The following ERICH6 variants were observed in gnomAD, a reference collection of about 807,000 sequenced individuals.
ERICH6 encodes the protein glutamate-rich protein 6.
ERICH6 carries 71 observed loss-of-function variants against 71.0 expected under a neutral mutation model. That is an observed-to-expected ratio of 1.00 (90% CI 0.83 to 1.22). The LOEUF is 1.22. Among genes scored for constraint, ERICH6 ranks in the 50% most tolerant of loss-of-function variants. ERICH6 has a pLI of 0.00. For missense variants in ERICH6, 808 were observed against 797.2 expected, an observed-to-expected ratio of 1.01 and a Z score of -0.16; for synonymous variants, 262 against 278.4, an observed-to-expected ratio of 0.94 and a Z score of 0.59.
chr3:150,672,592 A>C (rs1711515360), intron 11 of ERICH6, among the ~76,000 whole-genome samples: 1 of 151,884 alleles, frequency 6.6e-6, no homozygotes, highest in Non-Finnish European at 1.5e-5. Context: ...TATGTCTCAA[A>C]AAACAAACAA....
intron 3 of ERICH6, among the ~76,000 whole-genome samples, chr3:150,691,921 G>T (rs1712451473): frequency 6.6e-6 from 1 of 152,024 alleles, no homozygotes; most frequent in Non-Finnish European, 1.5e-5. Context: ...GCATTCCCGA[G>T]ACACAGGGCC....
At chr3:150,681,176 C>A (rs73152545) in intron 7 of ERICH6, among the ~76,000 whole-genome samples, 2 of 152,114 alleles carry the variant, frequency 1.3e-5, no homozygotes, top group African/African-American at 4.8e-5. Context: ...GAAACCTGTC[C>A]TCACTAACAG....
rs373884223 is a variant in ERICH6 at position 150,660,074 on chromosome 3, G to A, written c.1810C>T (p.Arg604Cys). The change falls in exon 14 of 14, where the codon CGT (arginine) becomes TGT (cysteine). Residue 604 changes from arginine to cysteine, a missense_variant. By Grantham distance (180) the Arg-to-Cys change is radical (BLOSUM62 -3). Around this residue, in one of 3 missense-constraint regions of ERICH6, gnomAD observed 736 missense variants for 712.2 expected, o/e 1.03. Coordinates refer to ENST00000295910, the MANE Select transcript of ERICH6 (RefSeq NM_152394.5). ...CCTTCAAGTTTATGAAACAGGCGAC[G>A]GATCTTTATTAAACTGGCCAGCAGA... ...LLLLASLIKI[R>C]RLFHKLEGCV... The A allele has an allele frequency of 9.3e-6, 15 of 1,613,910 alleles. No individual in the cohort carries two copies. The highest frequency in any genetic ancestry group is 4.4e-5 in the South Asian group (4 of 91,080).
Position 150,674,047 on chromosome 3 carries a change from C to T in ERICH6, c.1258-6G>A, listed in dbSNP as rs773712522. The T allele has an allele frequency of 5.0e-6, 8 of 1,611,994 alleles. No individual in the cohort carries two copies. In the South Asian group the frequency reaches 6.6e-5, roughly 13 times the overall value. The stretch of plus-strand genomic sequence containing the variant: ...AAGAGCTCATTCCTGACAACCTATA[C>T]ACCACAGAAAAGAAAAGACACTTAA... On this transcript the variant is annotated splice_region_variant and splice_polypyrimidine_tract_variant and intron_variant, in intron 10 of 13. Transcript: ENST00000295910.
intron 13 of ERICH6, among the ~76,000 whole-genome samples, chr3:150,664,114 G>C (rs1212766395): frequency 1.3e-5 from 2 of 151,992 alleles, no homozygotes; most frequent in Non-Finnish European, 2.9e-5. Flanking sequence ...GGAAAATCAG[G>C]GGAGAATAGT....
chr3:150,699,769 A>G (rs1712794613), intron 2 of ERICH6, among the ~76,000 whole-genome samples: 1 of 152,014 alleles, frequency 6.6e-6, no homozygotes, highest in Admixed American at 6.6e-5. Flanking sequence ...TTGAACAGCA[A>G]CAATCAGAGA....
chr3:150,678,478 T>C lies in ERICH6; in HGVS notation c.1188A>G (p.Val396=), dbSNP rs751508889. Reference sequence around the variant, plus strand: ...TACTGTTTCTTAGTTGAAAATCAAATACAATGTCATCAATTATCTGTTTTT... The same window carrying C: ...TACTGTTTCTTAGTTGAAAATCAAACACAATGTCATCAATTATCTGTTTTT... The part of the protein sequence containing the change: ...IPEKQIIDDI[V]FDFQLRNSNM... The change falls in exon 10 of 14, where the codon GTA becomes GTG. Residue 396 remains valine (V), a synonymous_variant. Transcript: ENST00000295910. 1.2e-6 allele frequency: 2 copies of C among 1,603,658 alleles called. No individual in the cohort carries two copies. The highest frequency in any genetic ancestry group is 2.3e-5 in the South Asian group (2 of 88,458).
intron 7 of ERICH6, 112 bp from the exon 8 acceptor site, chr3:150,681,042 G>C (rs1711907818): frequency 9.2e-7 from 1 of 1,084,074 alleles, no homozygotes; most frequent in African/African-American, 1.6e-5. Context: ...TTTTTATTCT[G>C]GTAATAGCTT....
chr3:150,673,859 G>A (rs1576550041), intron 11 of ERICH6, 97 bp downstream of exon 11: 2 of 1,124,614 alleles, frequency 1.8e-6, no homozygotes, highest in Non-Finnish European at 2.6e-6. Context: ...GGCATTACAG[G>A]TGTGAGCCAC....
At chr3:150,668,583 C>G (rs948226551) in intron 12 of ERICH6, among the ~76,000 whole-genome samples, 8 of 152,162 alleles carry the variant, frequency 5.3e-5, no homozygotes, top group Non-Finnish European at 8.8e-5. Flanking sequence ...GGTATCCTAA[C>G]TTTCTGAAGG....
chr3:150,667,120 C>T (rs1433073064), intron 12 of ERICH6, 105 bp from the exon 13 acceptor site: 5 of 1,030,746 alleles, frequency 4.9e-6, no homozygotes, highest in African/African-American at 1.6e-5. Flanking sequence ...TTTATGCCAG[C>T]GATTAGCAGG....
intron 7 of ERICH6, 99 bp downstream of exon 7, chr3:150,682,119 T>C (rs969915205): frequency 1.9e-6 from 2 of 1,066,310 alleles, no homozygotes; most frequent in African/African-American, 1.6e-5. Flanking sequence ...CCGGCCTAAC[T>C]CTTTTAAAAA....
At position 150,703,803 on chromosome 3, in the gene ERICH6, TTCCTCCTCCTCC is replaced by T. The variant is rs758984579; in HGVS notation, c.84_95del (p.Glu30_Glu33del). ...CCTCTTCCTCCTCCTCCTCCACCTC[TTCCTCCTCCTCC>T]TCCTCCTCTAACTCCTCCTCTGACT... On this transcript the variant is annotated inframe_deletion, in exon 1 of 14. Coordinates refer to ENST00000295910, the MANE Select transcript of ERICH6 (RefSeq NM_152394.5). 36 of 1,594,530 alleles carry T rather than the reference TTCCTCCTCCTCC, an allele frequency of 2.3e-5. No individual in the cohort carries two copies. The East Asian group carries it at 7.9e-4, about 35-fold the overall frequency.
rs1559917613 is a variant in ERICH6, at chr3:150,685,958, T to C, written c.666+8A>G. The stretch of plus-strand genomic sequence containing the variant: ...AGTGTACTAGTTAGTATGATAAACA[T>C]TTCTTACCTCCAGCTCATATAAAAT... On this transcript the variant is annotated splice_region_variant and intron_variant, in intron 5 of 13. Coordinates refer to ENST00000295910, the MANE Select transcript of ERICH6 (RefSeq NM_152394.5). The C allele has an allele frequency of 2.5e-6, 4 of 1,605,744 alleles. No homozygotes were observed. The highest frequency in any genetic ancestry group is 1.7e-5 in the Admixed American group (1 of 59,998).
intron 10 of ERICH6, among the ~76,000 whole-genome samples, chr3:150,678,066 T>C (rs1303800844): frequency 6.6e-6 from 1 of 152,224 alleles, no homozygotes; most frequent in East Asian, 1.9e-4. Context: ...AAATGTAGTA[T>C]TGCTACCATA....
intron 13 of ERICH6, among the ~76,000 whole-genome samples, chr3:150,660,943 G>C (rs1249228750): frequency 6.6e-6 from 1 of 152,232 alleles, no homozygotes; most frequent in East Asian, 1.9e-4. Context: ...ATAGAGGAAG[G>C]AAAGAGTATG....
Position 150,684,074 on chromosome 3 carries a change from G to A in ERICH6, c.783+1668C>T, listed in dbSNP as rs1385449319. On this transcript the variant is annotated intron_variant, in intron 6 of 13. Transcript: ENST00000295910. Reference sequence around the variant, plus strand: ...ACAAGCCTTTGTGGTGCAGAAAAAGGAAGGTGCTACATTTAAATAAAGAAT... The same window carrying A: ...ACAAGCCTTTGTGGTGCAGAAAAAGAAAGGTGCTACATTTAAATAAAGAAT... Among the ~76,000 whole-genome samples the A allele has an allele frequency of 3.9e-5, 6 of 152,242 alleles. No individual in the cohort carries two copies. In the East Asian group the frequency reaches 1.2e-3, roughly 30 times the overall value.
At chr3:150,663,069 C>T (rs924163982) in intron 13 of ERICH6, among the ~76,000 whole-genome samples, 3 of 152,080 alleles carry the variant, frequency 2.0e-5, no homozygotes, top group African/African-American at 2.4e-5. Flanking sequence ...GGCTTTTACT[C>T]GAGTAAAATT....
rs1210280165 is a variant in ERICH6, at chr3:150,698,920, T to A, written c.462-38A>T. On this transcript the variant is annotated intron_variant, in intron 2 of 13. Coordinates refer to ENST00000295910, the MANE Select transcript of ERICH6 (RefSeq NM_152394.5). ...CAAAAATGTTTTGAGTATACCTATA[T>A]AGTTGTTAGCAGGTCTTCTAAACAT... 3.7e-6 allele frequency: 5 copies of A among 1,365,922 alleles called. No homozygotes were observed. The African/African-American group carries it at 7.2e-5, about 20-fold the overall frequency. 84.6% of individuals were successfully genotyped at this position (1,365,922 alleles called of 1,614,324 possible).
Sources: allele counts gnomAD v4.1 joint callset (sites outside exome capture counted in the v4.1 genomes callset), GRCh38; gene constraint gnomAD v4.1.1; regional missense constraint gnomAD v4.1.1; transcripts MANE v1.5; gene names NCBI Gene and HGNC (gene_info 2026-07-23, HGNC 2026-07-21).